PLCE1: variants seen among roughly 807,000 people sequenced by gnomAD.
PLCE1 encodes 1-phosphatidylinositol 4,5-bisphosphate phosphodiesterase epsilon-1.
PLCE1 carries 119 observed loss-of-function variants against 242.8 expected under a neutral mutation model. The ratio of observed to expected loss-of-function variants is 0.49; its 90% CI spans 0.42 to 0.57. The LOEUF is 0.57. Among genes scored for constraint, PLCE1 ranks in the 20% least tolerant of loss-of-function variants. The probability of loss-of-function intolerance (pLI) is 0.00; values close to 1 mark genes in which losing one functional copy is unlikely to be tolerated. For synonymous variants in PLCE1, 945 were observed against 1,017.4 expected, an observed-to-expected ratio of 0.93 and a Z score of 1.35; for missense variants, 2,441 against 2,788.8, an observed-to-expected ratio of 0.88 and a Z score of 2.81.
intron 4 of PLCE1, among the ~76,000 whole-genome samples, chr10:94,216,526 A>T (rs1274143419): frequency 6.6e-6 from 1 of 152,098 alleles, no homozygotes; most frequent in Admixed American, 6.5e-5. Context: ...GGCAGTCCAG[A>T]GGTGGCAGCA....
chr10:94,221,517 A>G (rs904715785), intron 4 of PLCE1, among the ~76,000 whole-genome samples: 7 of 152,230 alleles, frequency 4.6e-5, no homozygotes, highest in Non-Finnish European at 8.8e-5. Flanking sequence ...TGGGTGGATC[A>G]CCTGAGGTCA....
At chr10:94,041,725 G>T (rs941339883) in intron 2 of PLCE1, among the ~76,000 whole-genome samples, 5 of 152,292 alleles carry the variant, frequency 3.3e-5, no homozygotes, top group Non-Finnish European at 5.9e-5. Context: ...GGGGTTCGGG[G>T]ATGGACATGG....
chr10:94,055,494 T>G (rs2043879659), intron 2 of PLCE1, among the ~76,000 whole-genome samples: 1 of 152,042 alleles, frequency 6.6e-6, no homozygotes, highest in Non-Finnish European at 1.5e-5. Flanking sequence ...ATTTTTGTAT[T>G]TTTAGTAGAG....
At chr10:94,274,718 G>A (rs541734642) in intron 19 of PLCE1, among the ~76,000 whole-genome samples, 33 of 152,256 alleles carry the variant, frequency 2.2e-4, no homozygotes, top group African/African-American at 7.5e-4. Context: ...CAGGTCTGGA[G>A]GTGCAGTCAG....
intron 4 of PLCE1, among the ~76,000 whole-genome samples, chr10:94,209,506 C>G (rs1488725155): frequency 6.6e-6 from 1 of 152,084 alleles, no homozygotes; most frequent in African/African-American, 2.4e-5. Flanking sequence ...TCTCAATTTG[C>G]CTATAGTACC....
At chr10:93,998,350 T>C (rs2134152883) in intron 1 of PLCE1, among the ~76,000 whole-genome samples, 1 of 152,274 alleles carries the variant, frequency 6.6e-6, no homozygotes, top group South Asian at 2.1e-4. Context: ...CCCCTGTCTC[T>C]TTGCAGCCAG....
intron 1 of PLCE1, among the ~76,000 whole-genome samples, chr10:94,018,640 C>G (rs995088561): frequency 4.6e-5 from 7 of 152,146 alleles, no homozygotes; most frequent in Admixed American, 2.0e-4. Flanking sequence ...TTTAATGATT[C>G]TCTAACTTTT....
intron 1 of PLCE1, among the ~76,000 whole-genome samples, chr10:94,019,146 G>A (rs1311633454): frequency 1.3e-5 from 2 of 152,166 alleles, no homozygotes; most frequent in Non-Finnish European, 2.9e-5. Flanking sequence ...AGCCTAGCAA[G>A]GTTGAGTTAT....
chr10:94,015,205 G>T (rs150286902), intron 1 of PLCE1, among the ~76,000 whole-genome samples: 55 of 152,220 alleles, frequency 3.6e-4, no homozygotes, highest in African/African-American at 1.3e-3. Flanking sequence ...TATAGTATAG[G>T]GGCTGCTGTG....
chr10:94,277,681 G>A (rs371365964), intron 19 of PLCE1, among the ~76,000 whole-genome samples: 4 of 152,210 alleles, frequency 2.6e-5, no homozygotes, highest in Middle Eastern at 6.8e-3. Context: ...TCTTATCAGC[G>A]ATAAACAGAC....
intron 1 of PLCE1, among the ~76,000 whole-genome samples, chr10:94,014,438 T>TAAA (rs11396439): frequency 1.4e-5 from 2 of 142,790 alleles, no homozygotes; most frequent in Non-Finnish European, 3.0e-5. Context: ...ATCCTGTCTT[T>TAAA]AAAAAAAAAA....
chr10:94,260,024 G>T (rs114904184), intron 13 of PLCE1, among the ~76,000 whole-genome samples: 508 of 152,196 alleles, frequency 3.3e-3, no homozygotes, highest in African/African-American at 0.012. Flanking sequence ...CTCCCACCAG[G>T]TCCCTTCCAC....
At chr10:94,229,568 G>A (rs1464963728) in intron 5 of PLCE1, among the ~76,000 whole-genome samples, 1 of 152,222 alleles carries the variant, frequency 6.6e-6, no homozygotes, top group Non-Finnish European at 1.5e-5. Flanking sequence ...TGGACCATGG[G>A]AGGCCGTCTT....
chr10:94,304,851 A>G lies in PLCE1; in HGVS notation c.5622+206A>G, dbSNP rs959059570. On this transcript the variant is annotated intron_variant, in intron 25 of 32. Transcript: ENST00000371380. ...CCAGACACTGTGTTTGCCAGAGCCC[A>G]GGAGCAGGGCATATGAGGTCCCTGT... 6.6e-5 allele frequency among the ~76,000 whole-genome samples: 10 copies of G among 152,194 alleles called. No homozygotes were observed. The East Asian group carries it at 1.3e-3, about 21-fold the overall frequency.
chr10:94,072,275 T>TC (rs1476364810), intron 2 of PLCE1, among the ~76,000 whole-genome samples: 41 of 151,366 alleles, frequency 2.7e-4, no homozygotes, highest in African/African-American at 9.8e-4. Context: ...TTTCTTTCTT[T>TC]TTTGTTTTTT....
intron 30 of PLCE1, among the ~76,000 whole-genome samples, chr10:94,323,121 G>C (rs775264040): frequency 6.6e-6 from 1 of 152,128 alleles, no homozygotes; most frequent in African/African-American, 2.4e-5. Context: ...AAATACCTAA[G>C]CCAGTAGGTA....
At chr10:94,295,138 G>T (rs907244742) in intron 23 of PLCE1, among the ~76,000 whole-genome samples, 2 of 151,598 alleles carry the variant, frequency 1.3e-5, no homozygotes, top group Admixed American at 6.6e-5. Context: ...GGGTGGTCTC[G>T]ATCTCCTCAC....
In PLCE1 at chr10:93,994,063, C is replaced by T. The variant is rs1443055195; in HGVS notation, c.-560C>T. On this transcript the variant is annotated 5_prime_UTR_variant, in exon 1 of 33. Coordinates refer to ENST00000371380, the MANE Select transcript of PLCE1 (RefSeq NM_016341.4). ...GGGGCAGCGGCGGCGCGCCCGGGCT[C>T]TACCTCCCGGGCTCTGCCTCCCGGG... Among the ~76,000 whole-genome samples the T allele has an allele frequency of 1.2e-5, 1 of 84,754 alleles. No individual in the cohort carries two copies. The highest frequency in any genetic ancestry group is 2.9e-5 in the Non-Finnish European group (1 of 34,692). 55.6% of individuals were successfully genotyped at this position (84,754 alleles called of 152,430 possible).
rs537809771 is a variant in PLCE1 at position 94,217,365 on chromosome 10, G to A, written c.1810-9941G>A. ...TCCCACAATAGGATCAGGATAGTTC[G>A]GAGCTAACAGCTCAGTTATATCAAG... On this transcript the variant is annotated intron_variant, in intron 4 of 32. Coordinates refer to ENST00000371380, the MANE Select transcript of PLCE1 (RefSeq NM_016341.4). Among the ~76,000 whole-genome samples, 229 of 152,208 alleles carry A rather than the reference G, an allele frequency of 1.5e-3. 1 individual carries two copies. The highest frequency in any genetic ancestry group is 5.1e-3 in the African/African-American group (211 of 41,534).
Sources: allele counts gnomAD v4.1 joint callset (sites outside exome capture counted in the v4.1 genomes callset), GRCh38; gene constraint gnomAD v4.1.1; transcripts MANE v1.5; gene names NCBI Gene and HGNC (gene_info 2026-07-23, HGNC 2026-07-21).